ALK: variants seen among roughly 807,000 people sequenced by gnomAD.
ALK encodes ALK tyrosine kinase receptor.
In ALK, 74 loss-of-function variants were observed where a neutral mutation model predicts 163.1. The observed-to-expected ratio is 0.45, with a 90% CI of 0.38 to 0.55. The LOEUF is 0.55. Ranked by LOEUF, ALK falls within the 20% of genes least tolerant of loss-of-function variation. The probability of loss-of-function intolerance (pLI) is 0.00; values close to 1 mark genes in which losing one functional copy is unlikely to be tolerated. For synonymous variants in ALK, 960 were observed against 843.2 expected (o/e 1.14, Z -2.40); for missense variants, 2,063 against 2,105.3 (o/e 0.98, Z 0.39).
chr2:29,825,077 C>G (rs1039008861), intron 1 of ALK, among the ~76,000 whole-genome samples: 7 of 152,136 alleles, frequency 4.6e-5, no homozygotes, highest in Non-Finnish European at 1.0e-4. Flanking sequence ...GAGGAGTTCC[C>G]CTGCACAAGT....
At chr2:29,684,658 T>C (rs1039074455) in intron 3 of ALK, among the ~76,000 whole-genome samples, 3 of 152,192 alleles carry the variant, frequency 2.0e-5, no homozygotes, top group Non-Finnish European at 4.4e-5. Flanking sequence ...GGTTGTGTCA[T>C]AGGACAAAGC....
rs1255390537 is a variant in ALK, at chr2:29,223,339, C to T, written c.3359+3G>A. On this transcript the variant is annotated splice_donor_region_variant and intron_variant, in intron 20 of 28. Coordinates refer to ENST00000389048, the MANE Select transcript of ALK (RefSeq NM_004304.5). ...CCTCCCAGGACGGCAGCAGGGCGCT[C>T]ACCGAATGAGGGTGATGTTTTTCCG... 1.2e-6 allele frequency: 2 copies of T among 1,613,904 alleles called. No homozygotes were observed. Among genetic ancestry groups the T allele is most frequent in the African/African-American group, 2.7e-5 (2 of 74,920 alleles).
At chr2:29,328,773 CG>C (rs1338262663) in intron 5 of ALK, among the ~76,000 whole-genome samples, 2 of 152,284 alleles carry the variant, frequency 1.3e-5, no homozygotes, top group African/African-American at 4.8e-5. Flanking sequence ...CATTCCTCCT[CG>C]GGGGTCCTCA....
intron 12 of ALK, among the ~76,000 whole-genome samples, chr2:29,241,655 G>A (rs1339131154): frequency 2.6e-5 from 4 of 151,980 alleles, no homozygotes; most frequent in Non-Finnish European, 5.9e-5. Flanking sequence ...CCTCAAGTAT[G>A]TCTGGCTGCA....
chr2:29,576,701 A>G (rs1674534333), intron 3 of ALK, among the ~76,000 whole-genome samples: 1 of 152,106 alleles, frequency 6.6e-6, no homozygotes, highest in Non-Finnish European at 1.5e-5. Context: ...GCCAGTCCCC[A>G]TTGCTCACAT....
chr2:29,196,755 G>A lies in ALK; in HGVS notation c.4164+15C>T. The A allele has an allele frequency of 6.3e-7, 1 of 1,596,068 alleles. No individual in the cohort carries two copies. The highest frequency in any genetic ancestry group is 1.7e-4 in the Middle Eastern group (1 of 6,034). The stretch of plus-strand genomic sequence containing the variant: ...ATATAGAGTAAATGTTGACCAAAGG[G>A]AGAAAATGTTTTACCTGGGTGCAGT... On this transcript the variant is annotated intron_variant, in intron 28 of 28. Coordinates refer to ENST00000389048, the MANE Select transcript of ALK (RefSeq NM_004304.5).
intron 3 of ALK, among the ~76,000 whole-genome samples, chr2:29,580,061 G>T (rs1674635739): frequency 1.3e-5 from 2 of 152,098 alleles, no homozygotes; most frequent in Admixed American, 6.6e-5. Context: ...GCAGAAATTG[G>T]CTCTGAGACC....
At position 29,513,338 on chromosome 2, in the gene ALK, A is replaced by G. The variant is rs1355562711; in HGVS notation, c.1154+18577T>C. Among the ~76,000 whole-genome samples the G allele has an allele frequency of 1.1e-4, 16 of 141,314 alleles. 1 individual carries two copies. The highest frequency in any genetic ancestry group is 1.0e-3 in the Admixed American group (14 of 13,932). 92.7% of individuals were successfully genotyped at this position (141,314 alleles called of 152,430 possible). On this transcript the variant is annotated intron_variant, in intron 4 of 28. Transcript: ENST00000389048. Reference sequence around the variant, plus strand: ...GGAACAGAACAGAGCCCTCAGAAATAATGCCGCATATCTACAACTATCTGA... The same window carrying G: ...GGAACAGAACAGAGCCCTCAGAAATGATGCCGCATATCTACAACTATCTGA...
intron 1 of ALK, among the ~76,000 whole-genome samples, chr2:29,874,206 A>G (rs1265406898): frequency 1.3e-5 from 2 of 152,134 alleles, no homozygotes; most frequent in African/African-American, 4.8e-5. Context: ...TGGTGAGATT[A>G]TTCCCTTCTC....
At chr2:29,688,922 T>A (rs1011566010) in intron 3 of ALK, among the ~76,000 whole-genome samples, 1 of 152,202 alleles carries the variant, frequency 6.6e-6, no homozygotes, top group African/African-American at 2.4e-5. Context: ...AATGCCGGAC[T>A]TGAAGCCTGC....
intron 2 of ALK, among the ~76,000 whole-genome samples, chr2:29,700,095 C>A (rs953561018): frequency 6.6e-6 from 1 of 152,230 alleles, no homozygotes; most frequent in Non-Finnish European, 1.5e-5. Flanking sequence ...TGGGCCGACA[C>A]AATCAAACCT....
intron 3 of ALK, among the ~76,000 whole-genome samples, chr2:29,675,011 G>A (rs111623920): frequency 2.4e-4 from 36 of 150,954 alleles, no homozygotes; most frequent in Non-Finnish European, 4.6e-4. Context: ...CTGTGGGATC[G>A]GTGGTGATAT....
At chr2:29,506,639 A>C (rs1230766544) in intron 4 of ALK, among the ~76,000 whole-genome samples, 1 of 151,992 alleles carries the variant, frequency 6.6e-6, no homozygotes, top group East Asian at 1.9e-4. Context: ...CCAGCTCCTC[A>C]GGAGGCTGAG....
intron 4 of ALK, among the ~76,000 whole-genome samples, chr2:29,444,588 A>G (rs545140433): frequency 8.5e-4 from 130 of 152,344 alleles, no homozygotes; most frequent in African/African-American, 3.0e-3. Flanking sequence ...TACAAAAAAA[A>G]TTAAAAATTC....
chr2:29,551,707 A>G (rs112338914), intron 3 of ALK, among the ~76,000 whole-genome samples: 4,194 of 152,264 alleles, frequency 0.028, 66 homozygotes, highest in Middle Eastern at 0.078. Flanking sequence ...AAATCTAATA[A>G]ATATATGACT....
intron 1 of ALK, among the ~76,000 whole-genome samples, chr2:29,879,678 A>G (rs963608547): frequency 2.0e-5 from 3 of 152,226 alleles, no homozygotes; most frequent in Non-Finnish European, 4.4e-5. Flanking sequence ...TTTTCTCCCC[A>G]AAGTGACAGA....
intron 1 of ALK, among the ~76,000 whole-genome samples, chr2:29,819,995 G>A (rs1665006308): frequency 6.6e-6 from 1 of 152,188 alleles, no homozygotes; most frequent in Non-Finnish European, 1.5e-5. Flanking sequence ...GGGGTGCCTT[G>A]GGTAACAGAG....
chr2:29,892,670 C>T (rs1435943748), intron 1 of ALK, among the ~76,000 whole-genome samples: 1 of 152,154 alleles, frequency 6.6e-6, no homozygotes, highest in African/African-American at 2.4e-5. Context: ...TCGTAAGTGG[C>T]AGACCTAAGA....
intron 3 of ALK, among the ~76,000 whole-genome samples, chr2:29,650,858 G>A (rs939178224): frequency 1.3e-5 from 2 of 152,108 alleles, no homozygotes; most frequent in African/African-American, 4.8e-5. Context: ...AATGTGCTTG[G>A]TAACAATTAG....
Sources: gnomAD v4.1 joint callset for allele counts (sites outside exome capture counted in the v4.1 genomes callset) on GRCh38, gnomAD v4.1.1 for gene constraint, MANE v1.5 for transcripts, NCBI Gene and HGNC (gene_info 2026-07-23, HGNC 2026-07-21) for gene names.